TENM2: variants seen among roughly 807,000 people sequenced by gnomAD.
The protein encoded by TENM2 is teneurin transmembrane protein 2.
In TENM2, 52 loss-of-function variants were observed where a neutral mutation model predicts 245.2. That is an observed-to-expected ratio of 0.21 (90% confidence interval 0.17 to 0.27). TENM2 has a LOEUF of 0.27. Ranked by LOEUF, TENM2 falls within the 10% of genes least tolerant of loss-of-function variation. The pLI, the probability that TENM2 is intolerant of heterozygous loss-of-function variation, is 1.00. For missense variants in TENM2, 3,046 were observed against 3,666.8 expected, an observed-to-expected ratio of 0.83 and a Z score of 4.37; for synonymous variants, 1,363 against 1,438.9, an observed-to-expected ratio of 0.95 and a Z score of 1.19.
At position 168,207,721 on chromosome 5, in the gene TENM2, G is replaced by A. The variant is rs74383297; in HGVS notation, c.3824+3100G>A. 9.2e-5 allele frequency among the ~76,000 whole-genome samples: 14 copies of A among 152,206 alleles called. No homozygotes were observed. In the East Asian group the frequency reaches 2.7e-3, roughly 29 times the overall value. On this transcript the variant is annotated intron_variant, in intron 19 of 28. Coordinates refer to ENST00000518659, the Ensembl canonical transcript of TENM2. Reference sequence around the variant, plus strand: ...TGGCAGCTGAATGATTCCATTTCGGGAGTCAGTGCCCATCCCTATCTCGCT... The same window carrying A: ...TGGCAGCTGAATGATTCCATTTCGGAAGTCAGTGCCCATCCCTATCTCGCT...
the TENM2 span, among the ~76,000 whole-genome samples, chr5:167,267,871 C>A: frequency 2.2e-3 from 337 of 152,198 alleles, no homozygotes; most frequent in African/African-American, 7.8e-3. Flanking sequence ...TCTTTTCTTT[C>A]ATATTACCTA....
intron 2 of TENM2, among the ~76,000 whole-genome samples, chr5:167,757,844 A>G (rs1762409535): frequency 6.6e-6 from 1 of 152,032 alleles, no homozygotes; most frequent in Admixed American, 6.6e-5. Flanking sequence ...AATCTCATAT[A>G]CCCTTTCTTT....
intron 2 of TENM2, among the ~76,000 whole-genome samples, chr5:167,410,517 T>G (rs1290506015): frequency 6.6e-6 from 1 of 151,312 alleles, no homozygotes; most frequent in African/African-American, 2.4e-5. Flanking sequence ...AGGAATAAAT[T>G]ATTATAGAGA....
At position 167,570,878 on chromosome 5, in the gene TENM2, A is replaced by G. The variant is rs189482343; in HGVS notation, c.502+195405A>G. Among the ~76,000 whole-genome samples, 245 of 152,256 alleles carry G rather than the reference A, an allele frequency of 1.6e-3. 1 individual carries two copies. The highest frequency in any genetic ancestry group is 5.6e-3 in the African/African-American group (231 of 41,548). ...GAAGAACTGAGCCCTGAATGGCTTG[A>G]AGGATTTTACATTTTACACTGGTGA... On this transcript the variant is annotated intron_variant, in intron 2 of 28. Transcript: ENST00000518659.
chr5:167,791,653 G>A (rs953158786), intron 2 of TENM2, among the ~76,000 whole-genome samples: 1 of 151,426 alleles, frequency 6.6e-6, no homozygotes, highest in African/African-American at 2.4e-5. Context: ...CTTCAATTAA[G>A]AATCAGGAAG....
At chr5:167,925,832 C>T (rs1042638972) in intron 3 of TENM2, among the ~76,000 whole-genome samples, 1 of 152,190 alleles carries the variant, frequency 6.6e-6, no homozygotes, top group African/African-American at 2.4e-5. Flanking sequence ...AGGCCATTAT[C>T]CTTGGCAAAC....
chr5:168,162,430 A>G (rs1198709730), intron 12 of TENM2, among the ~76,000 whole-genome samples, 181 bp from the exon 15 acceptor site: 1 of 152,036 alleles, frequency 6.6e-6, no homozygotes, highest in Non-Finnish European at 1.5e-5. Context: ...CTGTGACCCC[A>G]CTGTGTCTTG....
At chr5:167,092,017 C>T in the TENM2 span, among the ~76,000 whole-genome samples, 1 of 152,114 alleles carries the variant, frequency 6.6e-6, no homozygotes, top group Non-Finnish European at 1.5e-5. Flanking sequence ...GGTGGGCTTG[C>T]AATGAGTATC....
intron 7 of TENM2, among the ~76,000 whole-genome samples, chr5:168,077,467 G>A (rs1296890090): frequency 6.6e-6 from 1 of 151,638 alleles, no homozygotes; most frequent in Non-Finnish European, 1.5e-5. Context: ...TAGGGTACAT[G>A]TGCACAAAGT....
intron 5 of TENM2, among the ~76,000 whole-genome samples, chr5:168,010,019 C>T (rs1338836824): frequency 6.6e-6 from 1 of 152,212 alleles, no homozygotes; most frequent in Admixed American, 6.5e-5. Flanking sequence ...GATGAATCCA[C>T]CCCTGAAGCC....
At chr5:167,974,867 T>C (rs560243292) in intron 4 of TENM2, among the ~76,000 whole-genome samples, 70 of 152,274 alleles carry the variant, frequency 4.6e-4, no homozygotes, top group African/African-American at 1.5e-3. Flanking sequence ...ATCACTTCTC[T>C]TCCCCCTCCT....
intron 25 of TENM2, among the ~76,000 whole-genome samples, chr5:168,237,728 T>A (rs978585861): frequency 7.2e-5 from 11 of 151,866 alleles, no homozygotes; most frequent in African/African-American, 2.7e-4. Context: ...ATTATTTAAT[T>A]ATTATATTAA....
At chr5:167,956,736 G>T (rs1044418687) in intron 4 of TENM2, among the ~76,000 whole-genome samples, 1 of 152,116 alleles carries the variant, frequency 6.6e-6, no homozygotes, top group Admixed American at 6.5e-5. Context: ...TAATCATGTG[G>T]TTTTTGTCAT....
chr5:168,002,573 G>T (rs573370542), intron 5 of TENM2, among the ~76,000 whole-genome samples: 1 of 152,326 alleles, frequency 6.6e-6, no homozygotes, highest in African/African-American at 2.4e-5. Context: ...TTTTAAGGCT[G>T]CCTTATGCAC....
At chr5:167,628,525 T>C (rs921300524) in intron 2 of TENM2, among the ~76,000 whole-genome samples, 4 of 152,200 alleles carry the variant, frequency 2.6e-5, no homozygotes, top group Admixed American at 2.0e-4. Flanking sequence ...CCTAAAACTA[T>C]ATTACAGGCC....
the TENM2 span, among the ~76,000 whole-genome samples, chr5:167,251,059 C>T: frequency 6.6e-6 from 1 of 151,986 alleles, no homozygotes; most frequent in Non-Finnish European, 1.5e-5. Context: ...ACAACTTCAG[C>T]TTGTAGGTAT....
At chr5:167,092,461 G>A in the TENM2 span, among the ~76,000 whole-genome samples, 4 of 152,130 alleles carry the variant, frequency 2.6e-5, no homozygotes, top group East Asian at 3.9e-4. Flanking sequence ...TAGAGTCAGC[G>A]TGAATTAAAA....
intron 2 of TENM2, among the ~76,000 whole-genome samples, chr5:167,820,305 A>G (rs931034835): frequency 6.6e-6 from 1 of 152,222 alleles, no homozygotes; most frequent in South Asian, 2.1e-4. Flanking sequence ...AGTAATCAGG[A>G]TGCCAGTGTG....
At chr5:167,207,358 A>G in the TENM2 span, among the ~76,000 whole-genome samples, 21 of 152,220 alleles carry the variant, frequency 1.4e-4, no homozygotes, top group African/African-American at 4.8e-4. Context: ...AGTTCCGGCC[A>G]ATTGTTGCCT....
Sources: gnomAD v4.1 joint callset for allele counts (sites outside exome capture counted in the v4.1 genomes callset) on GRCh38, gnomAD v4.1.1 for gene constraint, MANE v1.5 for transcripts, NCBI Gene and HGNC (gene_info 2026-07-23, HGNC 2026-07-21) for gene names.